RAB27B: variants seen among roughly 807,000 people sequenced by gnomAD.
The protein encoded by RAB27B is RAB27B, member RAS oncogene family.
In RAB27B, 15 loss-of-function variants were observed where a neutral mutation model predicts 24.6. The ratio of observed to expected loss-of-function variants is 0.61; its 90% CI spans 0.41 to 0.94. The LOEUF (loss-of-function observed/expected upper bound fraction) is 0.94, where lower values mean the gene tolerates loss of function less well. RAB27B is among the 40% of genes least tolerant of loss of function. The probability of loss-of-function intolerance (pLI) is 0.00; values close to 1 mark genes in which losing one functional copy is unlikely to be tolerated. For synonymous variants in RAB27B, 105 were observed against 92.5 expected (o/e 1.14, Z -0.78); for missense variants, 261 against 266.8 (o/e 0.98, Z 0.15).
chr18:54,782,472 A>G (rs930719261), intron 2 of RAB27B, among the ~76,000 whole-genome samples: 3 of 152,204 alleles, frequency 2.0e-5, no homozygotes, highest in Non-Finnish European at 4.4e-5. Context: ...AGTGCATTCT[A>G]CTTACTCTAA....
chr18:54,826,388 C>A (rs1212487326), upstream of RAB27B, among the ~76,000 whole-genome samples: 3 of 152,146 alleles, frequency 2.0e-5, no homozygotes, highest in Admixed American at 1.3e-4. Flanking sequence ...CATGGAGTGG[C>A]CAAGCAACAT....
At chr18:54,807,269 C>T (rs2145142009) in intron 2 of RAB27B, among the ~76,000 whole-genome samples, 1 of 152,284 alleles carries the variant, frequency 6.6e-6, no homozygotes, top group East Asian at 1.9e-4. Flanking sequence ...GTTTTAATTT[C>T]AGTATTTTTT....
intron 2 of RAB27B, among the ~76,000 whole-genome samples, chr18:54,796,769 A>G (rs1266730613): frequency 6.6e-6 from 1 of 152,204 alleles, no homozygotes; most frequent in African/African-American, 2.4e-5. Context: ...GCGTGCAAGA[A>G]CAGGAGTGCT....
chr18:54,845,759 A>G lies in RAB27B; in HGVS notation c.-20+17059A>G, dbSNP rs575362832. 1.2e-4 allele frequency among the ~76,000 whole-genome samples: 18 copies of G among 152,316 alleles called. 1 individual carries two copies. The highest frequency in any genetic ancestry group is 3.8e-4 in the African/African-American group (16 of 41,570). The stretch of plus-strand genomic sequence containing the variant: ...GTTAACCTGCTATTCTAATTGTTGT[A>G]AATATGTTAATTGGCCAAAATATAA... On this transcript the variant is annotated intron_variant, in intron 1 of 5. Transcript: ENST00000262094.
chr18:54,787,283 C>G (rs924633670), intron 2 of RAB27B, among the ~76,000 whole-genome samples: 1 of 152,190 alleles, frequency 6.6e-6, no homozygotes, highest in Non-Finnish European at 1.5e-5. Flanking sequence ...TTGAGACTTT[C>G]GCTCTGGTCA....
intron 1 of RAB27B, among the ~76,000 whole-genome samples, chr18:54,845,421 A>AAAG (rs60348869): frequency 1.4e-5 from 2 of 142,146 alleles, no homozygotes; most frequent in African/African-American, 5.2e-5. Flanking sequence ...AAAAAAAAAT[A>AAAG]AAATAAAATC....
At chr18:54,811,551 A>T (rs1909965006) in intron 2 of RAB27B, among the ~76,000 whole-genome samples, 1 of 152,144 alleles carries the variant, frequency 6.6e-6, no homozygotes, top group African/African-American at 2.4e-5. Context: ...CTTACGCTTT[A>T]GTCTGGCTCG....
At chr18:54,734,633 A>T (rs1352113839) in intron 2 of RAB27B, among the ~76,000 whole-genome samples, 1 of 152,178 alleles carries the variant, frequency 6.6e-6, no homozygotes, top group Non-Finnish European at 1.5e-5. Flanking sequence ...TAAAAAGCAC[A>T]TAATTTCTGA....
intron 2 of RAB27B, among the ~76,000 whole-genome samples, chr18:54,793,899 A>G (rs1909332618): frequency 6.6e-6 from 1 of 152,184 alleles, no homozygotes; most frequent in Non-Finnish European, 1.5e-5. Context: ...AAATAGTTAC[A>G]TTTATTCTAT....
At chr18:54,830,156 C>T (rs973864235) in intron 1 of RAB27B, among the ~76,000 whole-genome samples, 2 of 152,278 alleles carry the variant, frequency 1.3e-5, no homozygotes, top group Non-Finnish European at 2.9e-5. Flanking sequence ...GCATGTTTGA[C>T]CCAATAGGGA....
chr18:54,862,324 G>C (rs1912041296), intron 1 of RAB27B, among the ~76,000 whole-genome samples: 1 of 152,148 alleles, frequency 6.6e-6, no homozygotes, highest in Non-Finnish European at 1.5e-5. Flanking sequence ...AGCATATTAA[G>C]GACATTTATA....
At chr18:54,887,429 T>A (rs1004245236) in intron 4 of RAB27B, among the ~76,000 whole-genome samples, 74 of 152,162 alleles carry the variant, frequency 4.9e-4, no homozygotes, top group African/African-American at 1.7e-3. Flanking sequence ...AGATATGCTG[T>A]ATTATTAGAA....
chr18:54,753,498 T>C (rs572088713), intron 2 of RAB27B, among the ~76,000 whole-genome samples: 1 of 152,326 alleles, frequency 6.6e-6, no homozygotes, highest in Non-Finnish European at 1.5e-5. Flanking sequence ...CCCATCTCAG[T>C]GGTAAACAGA....
At chr18:54,864,763 C>T (rs990348190) in intron 1 of RAB27B, among the ~76,000 whole-genome samples, 3 of 152,100 alleles carry the variant, frequency 2.0e-5, no homozygotes, top group Non-Finnish European at 4.4e-5. Flanking sequence ...ATCTATTTGT[C>T]TATCCTTATG....
At chr18:54,796,162 C>A (rs906183683) in intron 2 of RAB27B, among the ~76,000 whole-genome samples, 3 of 152,120 alleles carry the variant, frequency 2.0e-5, no homozygotes, top group Non-Finnish European at 2.9e-5. Context: ...TCCTCAAACC[C>A]CTGGAGGAAG....
intron 1 of RAB27B, among the ~76,000 whole-genome samples, chr18:54,860,826 T>C (rs1002214999): frequency 6.6e-6 from 1 of 152,232 alleles, no homozygotes; most frequent in African/African-American, 2.4e-5. Context: ...GCACCTTCTT[T>C]GGACTAATTC....
At chr18:54,817,212 G>A (rs971352022) in intron 2 of RAB27B, among the ~76,000 whole-genome samples, 3 of 152,162 alleles carry the variant, frequency 2.0e-5, no homozygotes, top group Non-Finnish European at 4.4e-5. Context: ...CACCTATTGT[G>A]GCATCAGGTG....
intron 1 of RAB27B, among the ~76,000 whole-genome samples, chr18:54,854,326 C>T (rs1426538724): frequency 6.6e-6 from 1 of 152,196 alleles, no homozygotes; most frequent in African/African-American, 2.4e-5. Flanking sequence ...TCTCCGTGTT[C>T]CTATTGACTT....
Position 54,720,075 on chromosome 18 carries a change from TC to T in RAB27B, c.-20+1936del, listed in dbSNP as rs533651798. 3.5e-3 allele frequency among the ~76,000 whole-genome samples: 529 copies of T among 152,218 alleles called. 2 individuals carry two copies. The highest frequency in any genetic ancestry group is 5.7e-3 in the Non-Finnish European group (389 of 67,950). ...TTTGAACTTTCTTCCTGAATTTAAG[TC>T]CTAAAATTAAGTCCACTGGCTTGAC... is the stretch of plus-strand genomic sequence containing the variant. On this transcript the variant is annotated intron_variant, in intron 2 of 4. Coordinates refer to the RAB27B transcript ENST00000586570.
Sources: allele counts gnomAD v4.1 joint callset (sites outside exome capture counted in the v4.1 genomes callset), GRCh38; gene constraint gnomAD v4.1.1; transcripts MANE v1.5; gene names NCBI Gene and HGNC (gene_info 2026-07-23, HGNC 2026-07-21).